The following LARP1 variants were observed in gnomAD, a reference collection of about 807,000 sequenced individuals.
The protein encoded by LARP1 is La ribonucleoprotein 1, translational regulator.
LARP1 carries 36 observed loss-of-function variants against 122.7 expected under a neutral mutation model. The ratio of observed to expected loss-of-function variants is 0.29; its 90% CI spans 0.22 to 0.39. LARP1 has a LOEUF of 0.39. Among genes scored for constraint, LARP1 ranks in the 10% least tolerant of loss-of-function variants. The pLI, the probability that LARP1 is intolerant of heterozygous loss-of-function variation, is 1.00. For synonymous variants in LARP1, 539 were observed against 528.7 expected (o/e 1.02, Z -0.27); for missense variants, 1,040 against 1,403.6 (o/e 0.74, Z 4.14).
At chr5:154,735,281 C>T (rs969780639) in intron 1 of LARP1, among the ~76,000 whole-genome samples, 1 of 151,972 alleles carries the variant, frequency 6.6e-6, no homozygotes, top group African/African-American at 2.4e-5. Flanking sequence ...ATGGTGAAAC[C>T]CCGTCTCTAC....
At chr5:154,746,123 C>T (rs959585862) in intron 1 of LARP1, among the ~76,000 whole-genome samples, 1 of 152,176 alleles carries the variant, frequency 6.6e-6, no homozygotes, top group Non-Finnish European at 1.5e-5. Flanking sequence ...TGACATCAAA[C>T]CCTTTCCCCT....
At chr5:154,704,840 G>A (rs1050979198) in intron 1 of LARP1, among the ~76,000 whole-genome samples, 16 of 151,130 alleles carry the variant, frequency 1.1e-4, no homozygotes, top group African/African-American at 3.2e-4. Flanking sequence ...GGACAGGGCC[G>A]GGCATAGTGG....
At chr5:154,685,863 T>A (rs1412074580) in intron 1 of LARP1, 1 of 512,090 alleles carries the variant, frequency 2.0e-6, no homozygotes, top group Middle Eastern at 3.2e-4. Context: ...CCAGGCTTTG[T>A]GCAGCATGTA....
At chr5:154,751,011 C>T (rs1753457373), upstream of LARP1, among the ~76,000 whole-genome samples, 2 of 152,066 alleles carry the variant, frequency 1.3e-5, no homozygotes, top group Admixed American at 6.6e-5. Context: ...TTTTTGGCCT[C>T]TCTTTTTTTT....
intron 1 of LARP1, among the ~76,000 whole-genome samples, chr5:154,756,898 G>T (rs1170143488): frequency 2.0e-5 from 3 of 151,930 alleles, no homozygotes; most frequent in Non-Finnish European, 4.4e-5. Flanking sequence ...CCAGTTAGGA[G>T]GTTGGCGGAA....
intron 1 of LARP1, among the ~76,000 whole-genome samples, chr5:154,758,059 G>A (rs1356598620): frequency 1.3e-5 from 2 of 151,794 alleles, no homozygotes; most frequent in Admixed American, 6.6e-5. Context: ...ACTCAAAAGG[G>A]TATAATCATC....
intron 16 of LARP1, among the ~76,000 whole-genome samples, chr5:154,810,423 G>A (rs1258441372): frequency 6.6e-6 from 1 of 151,340 alleles, no homozygotes. Flanking sequence ...GTGACTGAGC[G>A]AGACTCTGTC....
In LARP1 at chr5:154,802,612, G is replaced by A. The variant is rs868848442; in HGVS notation, c.2109+213G>A. On this transcript the variant is annotated intron_variant, in intron 11 of 18. Transcript: ENST00000518297. The surrounding 1 kb of genome is among the most constrained non-coding windows in gnomAD (Gnocchi z 5.1). ...ACACTGCAAACTCTTCAGGTGAGGC[G>A]GTGGTGATTATTATCCTATCTGCGG... Among the ~76,000 whole-genome samples, 2 of 152,144 alleles carry A rather than the reference G, an allele frequency of 1.3e-5. No individual in the cohort carries two copies. Among genetic ancestry groups the A allele is most frequent in the Non-Finnish European group, 2.9e-5 (2 of 68,028 alleles).
chr5:154,707,390 A>G lies in LARP1; in HGVS notation c.-180+24353A>G, dbSNP rs376273347. 4.2e-3 allele frequency among the ~76,000 whole-genome samples: 642 copies of G among 152,358 alleles called. 11 individuals are homozygous for G. The highest frequency in any genetic ancestry group is 0.015 in the African/African-American group (613 of 41,578). On this transcript the variant is annotated intron_variant, in intron 1 of 18. Transcript: ENST00000687700. The stretch of plus-strand genomic sequence containing the variant: ...TGTGACCAATGGGAGTCTCTTTGAC[A>G]CAACTCTATCTTCATTGATTTGTGA...
At chr5:154,740,309 C>G (rs1460412680) in intron 1 of LARP1, among the ~76,000 whole-genome samples, 2 of 149,138 alleles carry the variant, frequency 1.3e-5, no homozygotes, top group African/African-American at 2.5e-5. Flanking sequence ...AGGAGAATCG[C>G]TTGAATCTGG....
At chr5:154,762,090 A>G (rs1260065307) in intron 1 of LARP1, among the ~76,000 whole-genome samples, 1 of 152,136 alleles carries the variant, frequency 6.6e-6, no homozygotes, top group Non-Finnish European at 1.5e-5. Flanking sequence ...AAAATACAAA[A>G]AAATTAGCCA....
intron 1 of LARP1, among the ~76,000 whole-genome samples, chr5:154,760,607 A>G (rs1754372927): frequency 6.6e-6 from 1 of 152,182 alleles, no homozygotes; most frequent in South Asian, 2.1e-4. Context: ...CTGCCTGAAA[A>G]TTTCCTCCAC....
chr5:154,812,508 C>G (rs1350351360), intron 18 of LARP1, among the ~76,000 whole-genome samples: 1 of 53,636 alleles, frequency 1.9e-5, no homozygotes, highest in East Asian at 6.0e-4. Context: ...AGTAAAAGCC[C>G]CCCCCCCCCA....
chr5:154,795,960 T>A (rs1191203353), intron 8 of LARP1, among the ~76,000 whole-genome samples: 20 of 108,372 alleles, frequency 1.8e-4, no homozygotes, highest in African/African-American at 7.0e-4. Context: ...TTATATATAT[T>A]TTTATACATA....
chr5:154,726,865 ATG>A (rs1334233160), intron 1 of LARP1, among the ~76,000 whole-genome samples: 1 of 152,244 alleles, frequency 6.6e-6, no homozygotes, highest in Non-Finnish European at 1.5e-5. Flanking sequence ...AGGAGAGAGA[ATG>A]AGAACCAGCA....
chr5:154,796,567 T>G (rs1167770453), intron 8 of LARP1, among the ~76,000 whole-genome samples: 1 of 152,158 alleles, frequency 6.6e-6, no homozygotes, highest in Admixed American at 6.6e-5. Flanking sequence ...TTTTGAAGTT[T>G]TTTCCCCTCC....
At chr5:154,730,561 C>T (rs2113399352) in intron 1 of LARP1, among the ~76,000 whole-genome samples, 1 of 152,128 alleles carries the variant, frequency 6.6e-6, no homozygotes, top group Non-Finnish European at 1.5e-5. Flanking sequence ...CAACCTCTGC[C>T]TCCCGGGTTC....
Position 154,768,817 on chromosome 5 carries a change from G to A in LARP1, c.436+12624G>A, listed in dbSNP as rs573294373. ...GGCTGGTCTTGGAACTTCTGACTTC[G>A]TGATCCACCCGCCTTGGCCTCCCAA... On this transcript the variant is annotated intron_variant, in intron 1 of 18. Transcript: ENST00000518297. Among the ~76,000 whole-genome samples, 38 of 152,258 alleles carry A rather than the reference G, an allele frequency of 2.5e-4. 1 individual carries two copies. The highest frequency in any genetic ancestry group is 2.0e-4 in the Admixed American group (3 of 15,288).
At position 154,755,959 on chromosome 5, in the gene LARP1, A is replaced by C; in HGVS notation, c.202A>C (p.Thr68Pro). Residue 68 changes from threonine to proline, a missense_variant, in exon 1 of 19, where the codon ACC (threonine) becomes CCC (proline). Physicochemically the swap from Thr to Pro is conservative, Grantham distance 38. This residue lies in a region of LARP1 where 257 missense variants were observed against 273.3 expected (regional missense o/e 0.94). Transcript: ENST00000518297. ...PPCAKPHKEG[T>P]GQQERESPRP... ...CTGCGCCAAGCCGCACAAGGAGGGC[A>C]CCGGGCAGCAGGAGCGCGAGAGCCC... The C allele has an allele frequency of 3.0e-6, 3 of 1,003,058 alleles. No homozygotes were observed. Among genetic ancestry groups the C allele is most frequent in the Non-Finnish European group, 3.6e-6 (3 of 843,222 alleles). The allele number at this position is 1,003,058 out of a possible 1,614,324, so 62.1% of individuals were successfully genotyped here.
Sources: allele counts gnomAD v4.1 joint callset (sites outside exome capture counted in the v4.1 genomes callset), GRCh38; gene constraint gnomAD v4.1.1; regional missense constraint gnomAD v4.1.1; non-coding constraint Gnocchi (gnomAD v3.1); transcripts MANE v1.5; gene names NCBI Gene and HGNC (gene_info 2026-07-23, HGNC 2026-07-21).